Variants in L3MBTL3 observed in about 807,000 individuals in gnomAD.
L3MBTL3 encodes the protein L3MBTL histone methyl-lysine binding protein 3.
L3MBTL3 carries 27 observed loss-of-function variants against 102.3 expected under a neutral mutation model. The ratio of observed to expected loss-of-function variants is 0.26; its 90% CI spans 0.19 to 0.36. The LOEUF (loss-of-function observed/expected upper bound fraction) is 0.36, where lower values mean the gene tolerates loss of function less well. Among genes scored for constraint, L3MBTL3 ranks in the 10% least tolerant of loss-of-function variants. The probability of loss-of-function intolerance (pLI) is 1.00; values close to 1 mark genes in which losing one functional copy is unlikely to be tolerated. For synonymous variants in L3MBTL3, 340 were observed against 320.9 expected, an observed-to-expected ratio of 1.06 and a Z score of -0.64; for missense variants, 798 against 955.3, an observed-to-expected ratio of 0.84 and a Z score of 2.17.
intron 3 of L3MBTL3, among the ~76,000 whole-genome samples, chr6:130,046,264 A>G (rs1780719633): frequency 6.6e-6 from 1 of 152,206 alleles, no homozygotes; most frequent in African/African-American, 2.4e-5. Context: ...TAGCAGGCAG[A>G]GACCCAACAG....
intron 20 of L3MBTL3, among the ~76,000 whole-genome samples, chr6:130,122,875 A>G (rs368897162): frequency 1.3e-5 from 2 of 152,098 alleles, no homozygotes; most frequent in Non-Finnish European, 2.9e-5. Context: ...AATGGTATCT[A>G]TATCATTGGA....
chr6:130,082,506 C>T (rs1486790672), intron 14 of L3MBTL3, among the ~76,000 whole-genome samples: 3 of 152,136 alleles, frequency 2.0e-5, no homozygotes, highest in Non-Finnish European at 2.9e-5. Flanking sequence ...TCTTCATATT[C>T]AGATTTTCTC....
intron 11 of L3MBTL3, among the ~76,000 whole-genome samples, chr6:130,066,870 C>A (rs553085683): frequency 2.6e-5 from 4 of 152,182 alleles, no homozygotes; most frequent in Non-Finnish European, 5.9e-5. Context: ...TTTTTCAAAT[C>A]AGTTTTTCAT....
rs867984318 is a variant in L3MBTL3, at chr6:130,030,573, G to A, written c.-16+8268G>A. Among the ~76,000 whole-genome samples the A allele has an allele frequency of 6.0e-5, 9 of 151,002 alleles. No individual in the cohort carries two copies. The East Asian group carries it at 7.9e-4, about 13-fold the overall frequency. ...TCCCAGCTACTCGGGAGGTTGAGGC[G>A]GGAGAATGGCGTGAACCTGGGAGGC... On this transcript the variant is annotated intron_variant, in intron 2 of 22. Coordinates refer to ENST00000361794, the MANE Select transcript of L3MBTL3 (RefSeq NM_032438.4).
At chr6:130,034,155 C>T (rs1779900398) in intron 2 of L3MBTL3, among the ~76,000 whole-genome samples, 1 of 152,154 alleles carries the variant, frequency 6.6e-6, no homozygotes, top group Admixed American at 6.5e-5. Flanking sequence ...CTGTTTTATC[C>T]ACTCCTGGCA....
intron 13 of L3MBTL3, among the ~76,000 whole-genome samples, chr6:130,072,444 TGA>T (rs1782699515): frequency 6.6e-6 from 1 of 152,212 alleles, no homozygotes; most frequent in East Asian, 1.9e-4. Flanking sequence ...TACCAAGGCA[TGA>T]CTCTGCTTTA....
At chr6:130,107,186 G>T (rs535404852) in intron 19 of L3MBTL3, among the ~76,000 whole-genome samples, 1 of 140,678 alleles carries the variant, frequency 7.1e-6, no homozygotes, top group Non-Finnish European at 1.5e-5. Flanking sequence ...GTGCTCTGTA[G>T]AGGTGTTCAT....
intron 22 of L3MBTL3, among the ~76,000 whole-genome samples, chr6:130,137,119 G>GT (rs776680271): frequency 3.9e-5 from 6 of 152,316 alleles, no homozygotes; most frequent in Admixed American, 2.6e-4. Context: ...TTTTTGTTGA[G>GT]TGAATACATT....
intron 19 of L3MBTL3, among the ~76,000 whole-genome samples, chr6:130,108,682 A>G (rs1785155706): frequency 6.7e-6 from 1 of 150,024 alleles, no homozygotes; most frequent in Non-Finnish European, 1.5e-5. Flanking sequence ...TTTATTTGGT[A>G]TTTATTTATT....
rs539336763 is a variant in L3MBTL3, at chr6:130,055,303, A to C, written c.667+48A>C. On this transcript the variant is annotated intron_variant, in intron 8 of 22. Coordinates refer to ENST00000361794, the MANE Select transcript of L3MBTL3 (RefSeq NM_032438.4). ...TTACTTGTAACTTTATGAAATTGGA[A>C]ATGGTTCACACAGGTGGAAATTTTA... 47 of 1,447,020 alleles carry C rather than the reference A, an allele frequency of 3.2e-5. No homozygotes were observed. In the South Asian group the frequency reaches 5.5e-4, roughly 17 times the overall value. 89.6% of individuals were successfully genotyped at this position (1,447,020 alleles called of 1,614,324 possible). A position where few individuals can be genotyped will look rare whatever the true frequency, so the allele number is the denominator to read the frequency against.
chr6:130,112,216 G>A (rs2115420384), intron 19 of L3MBTL3, among the ~76,000 whole-genome samples: 1 of 152,278 alleles, frequency 6.6e-6, no homozygotes. Flanking sequence ...GCTTGATGAT[G>A]TGCTCCATAA....
At chr6:130,048,628 G>A (rs1780870368) in intron 3 of L3MBTL3, among the ~76,000 whole-genome samples, 1 of 152,198 alleles carries the variant, frequency 6.6e-6, no homozygotes, top group Admixed American at 6.5e-5. Context: ...ACTTGTTCAG[G>A]TCCCAGAGAA....
chr6:130,052,727 TTTCTCCTGGTAGTTAAAGATTTTTCC>T, intron 6 of L3MBTL3, 106 bp from the exon 7 acceptor site: 2 of 1,077,136 alleles, frequency 1.9e-6, no homozygotes, highest in East Asian at 5.4e-5. Flanking sequence ...TGCCTACAGA[TTTCTCCTGGTAGTTAAAGATTTTTCC>T]TTTGCAGGGT....
rs1781204485 is a variant in L3MBTL3, at chr6:130,053,008, G to A, written c.582+17G>A. On this transcript the variant is annotated intron_variant, in intron 7 of 22. Transcript: ENST00000361794. ...GATGAAATGGTGAGTGCCTCTGCCT[G>A]ACACCAGGAGCACAGGGATGCATCT... 1.3e-6 allele frequency: 2 copies of A among 1,581,534 alleles called. No homozygotes were observed. Among genetic ancestry groups the A allele is most frequent in the Non-Finnish European group, 1.7e-6 (2 of 1,150,572 alleles).
chr6:130,055,112 C>A, intron 7 of L3MBTL3, 59 bp from the exon 8 acceptor site: 2 of 1,247,592 alleles, frequency 1.6e-6, no homozygotes, highest in Non-Finnish European at 2.4e-6. Context: ...AGCTCTCTAA[C>A]TATTCACTGG....
At chr6:130,078,758 A>C (rs910257663) in intron 14 of L3MBTL3, 124 bp downstream of exon 14, 18 of 623,216 alleles carry the variant, frequency 2.9e-5, no homozygotes, top group Non-Finnish European at 4.9e-5. Flanking sequence ...TGTCACCACT[A>C]CTCAAAACAG....
chr6:130,058,861 G>A (rs1323487854), intron 9 of L3MBTL3, among the ~76,000 whole-genome samples: 1 of 152,128 alleles, frequency 6.6e-6, no homozygotes, highest in East Asian at 1.9e-4. Flanking sequence ...ATATTTAATC[G>A]TGGTATGTAA....
intron 1 of L3MBTL3, 89 bp from the exon 2 acceptor site, chr6:130,022,138 A>G (rs969165480): frequency 2.6e-5 from 4 of 152,226 alleles, no homozygotes; most frequent in African/African-American, 9.6e-5. Context: ...TCAGAATGTA[A>G]GCTTCTTAAC....
intron 10 of L3MBTL3, among the ~76,000 whole-genome samples, chr6:130,065,698 C>G (rs143153142): frequency 6.6e-6 from 1 of 152,140 alleles, no homozygotes; most frequent in Non-Finnish European, 1.5e-5. Context: ...CTCTAAGAAT[C>G]CAGGGCAGGG....
Sources: allele counts gnomAD v4.1 joint callset (sites outside exome capture counted in the v4.1 genomes callset), GRCh38; gene constraint gnomAD v4.1.1; transcripts MANE v1.5; gene names NCBI Gene and HGNC (gene_info 2026-07-23, HGNC 2026-07-21).